BICRAL: variants seen among roughly 807,000 people sequenced by gnomAD.
BICRAL encodes BICRA like chromatin remodeling complex associated protein.
BICRAL carries 8 observed loss-of-function variants against 91.8 expected under a neutral mutation model. That is an observed-to-expected ratio of 0.09 (90% CI 0.05 to 0.16). BICRAL has a LOEUF of 0.16. BICRAL is among the 10% of genes least tolerant of loss of function. The probability of loss-of-function intolerance (pLI) is 1.00; values close to 1 mark genes in which losing one functional copy is unlikely to be tolerated. For synonymous variants in BICRAL, 445 were observed against 491.1 expected, an observed-to-expected ratio of 0.91 and a Z score of 1.24; for missense variants, 1,038 against 1,310.9, an observed-to-expected ratio of 0.79 and a Z score of 3.21.
chr6:42,863,763 C>T (rs1241022661), intron 12 of BICRAL, among the ~76,000 whole-genome samples: 1 of 152,150 alleles, frequency 6.6e-6, no homozygotes, highest in African/African-American at 2.4e-5. Flanking sequence ...GTGAGGTGCT[C>T]ACACCTGTAA....
intron 1 of BICRAL, among the ~76,000 whole-genome samples, chr6:42,808,440 A>C (rs534242121): frequency 1.3e-5 from 2 of 152,274 alleles, no homozygotes; most frequent in South Asian, 4.1e-4. Flanking sequence ...GTTTATCTTA[A>C]TGAAATGTGG....
At chr6:42,798,942 T>A (rs1483970117) in intron 1 of BICRAL, among the ~76,000 whole-genome samples, 2 of 152,354 alleles carry the variant, frequency 1.3e-5, no homozygotes, top group East Asian at 3.9e-4. Flanking sequence ...TATTATTTTT[T>A]ATTGTTATAT....
rs561358728 is a variant in BICRAL at position 42,749,815 on chromosome 6, T to C, written c.-261+2792T>C. Among the ~76,000 whole-genome samples, 83 of 151,994 alleles carry C rather than the reference T, an allele frequency of 5.5e-4. No individual in the cohort carries two copies. In the South Asian group the frequency reaches 0.016, roughly 29 times the overall value. On this transcript the variant is annotated intron_variant, in intron 1 of 14. Coordinates refer to the BICRAL transcript ENST00000614467. ...TATTATATTATTTCATATTTTATTG[T>C]CTATAAATATTTCACTATATACCTC...
At chr6:42,804,675 AC>A (rs1420219390) in intron 1 of BICRAL, among the ~76,000 whole-genome samples, 30 of 152,316 alleles carry the variant, frequency 2.0e-4, no homozygotes, top group Non-Finnish European at 1.5e-4. Flanking sequence ...AGGGCTTCTT[AC>A]AGGGACAAGT....
chr6:42,840,616 A>T (rs543583090), intron 6 of BICRAL, among the ~76,000 whole-genome samples: 1 of 151,858 alleles, frequency 6.6e-6, no homozygotes, highest in East Asian at 1.9e-4. Flanking sequence ...AGTTCACTCC[A>T]ACCTCCACCT....
intron 1 of BICRAL, among the ~76,000 whole-genome samples, chr6:42,783,929 C>A (rs952550157): frequency 6.6e-6 from 1 of 152,122 alleles, no homozygotes; most frequent in Non-Finnish European, 1.5e-5. Context: ...TTCCTTAATT[C>A]TTCAGTTATT....
intron 1 of BICRAL, among the ~76,000 whole-genome samples, chr6:42,809,975 C>T (rs956156175): frequency 9.9e-5 from 15 of 151,922 alleles, no homozygotes; most frequent in South Asian, 8.3e-4. Flanking sequence ...TTAGTAGAGA[C>T]GGGGTTTCAC....
At chr6:42,752,864 A>G (rs568876490) in intron 1 of BICRAL, among the ~76,000 whole-genome samples, 4 of 150,338 alleles carry the variant, frequency 2.7e-5, no homozygotes, top group Non-Finnish European at 4.4e-5. Context: ...CTGCTTCCCA[A>G]AGGGCTGGGA....
At chr6:42,758,205 C>T (rs549589901) in intron 1 of BICRAL, among the ~76,000 whole-genome samples, 20 of 152,266 alleles carry the variant, frequency 1.3e-4, no homozygotes, top group African/African-American at 9.6e-5. Flanking sequence ...CATCTGGTCT[C>T]GTTACCCTTG....
chr6:42,783,399 C>T (rs998360819), intron 1 of BICRAL, among the ~76,000 whole-genome samples: 4 of 152,168 alleles, frequency 2.6e-5, no homozygotes, highest in East Asian at 3.9e-4. Flanking sequence ...TTCGCGCCCC[C>T]CCGAGTCGCC....
chr6:42,760,359 TAA>T (rs59668032), intron 1 of BICRAL, among the ~76,000 whole-genome samples: 10 of 125,888 alleles, frequency 7.9e-5, no homozygotes, highest in Admixed American at 1.6e-4. Context: ...TCTCTACTAC[TAA>T]AAAAAAAAAA....
In BICRAL at chr6:42,828,796, G is replaced by A; in HGVS notation, c.463G>A (p.Val155Ile). ...SSASFTQASNVSNYSGQTLQP... is the reference protein window; with the variant it reads ...SSASFTQASNISNYSGQTLQP... ...AGCATCCTTTACTCAGGCTTCTAAT[G>A]TTTCTAATTACTCAGGTCAGACGCT... Residue 155 changes from valine (V) to isoleucine (I), a missense_variant, in exon 6 of 13, where the codon GTT (valine) becomes ATT (isoleucine). Physicochemically the swap from Val to Ile is conservative, Grantham distance 29. Around this residue, in one of 5 missense-constraint regions of BICRAL, gnomAD observed 532 missense variants for 724.9 expected, o/e 0.73. Transcript: ENST00000314073. 1.2e-6 allele frequency: 2 copies of A among 1,614,186 alleles called. No homozygotes were observed. The highest frequency in any genetic ancestry group is 8.5e-7 in the Non-Finnish European group (1 of 1,180,024).
chr6:42,862,452 C>G (rs1430312355), intron 11 of BICRAL, 58 bp from the exon 12 acceptor site: 1 of 1,157,734 alleles, frequency 8.6e-7, no homozygotes, highest in Non-Finnish European at 1.3e-6. Flanking sequence ...TTATTTTTTC[C>G]AAAAGCAACC....
chr6:42,783,969 TAAAA>T (rs1307087526), intron 1 of BICRAL, among the ~76,000 whole-genome samples: 1 of 151,782 alleles, frequency 6.6e-6, no homozygotes, highest in Non-Finnish European at 1.5e-5. Context: ...GTTACAAAAC[TAAAA>T]AAAAGAGTCC....
At chr6:42,794,301 A>T (rs1763357714) in intron 1 of BICRAL, among the ~76,000 whole-genome samples, 2 of 152,194 alleles carry the variant, frequency 1.3e-5, no homozygotes, top group African/African-American at 4.8e-5. Context: ...AAGAAAAATG[A>T]CATTTGGGTA....
At chr6:42,794,994 C>T (rs543112534) in intron 1 of BICRAL, among the ~76,000 whole-genome samples, 67 of 151,080 alleles carry the variant, frequency 4.4e-4, no homozygotes, top group African/African-American at 1.5e-3. Context: ...ATAAGTCATG[C>T]AAGAGTCTAT....
chr6:42,806,657 C>T (rs1763717320), intron 1 of BICRAL, among the ~76,000 whole-genome samples: 1 of 151,842 alleles, frequency 6.6e-6, no homozygotes, highest in Non-Finnish European at 1.5e-5. Context: ...GGACTACAGG[C>T]ATGTGCCACC....
At chr6:42,813,130 T>C (rs1028235303) in intron 2 of BICRAL, among the ~76,000 whole-genome samples, 4 of 152,164 alleles carry the variant, frequency 2.6e-5, no homozygotes, top group African/African-American at 7.2e-5. Context: ...AATGATGTAA[T>C]TGTAGTCCCC....
intron 8 of BICRAL, among the ~76,000 whole-genome samples, chr6:42,854,504 TTTTG>T (rs1277332917): frequency 1.3e-5 from 2 of 150,626 alleles, no homozygotes; most frequent in Non-Finnish European, 3.0e-5. Flanking sequence ...GGGTTTTTTG[TTTTG>T]TTTTTGTTTT....
Sources: allele counts gnomAD v4.1 joint callset (sites outside exome capture counted in the v4.1 genomes callset), GRCh38; gene constraint gnomAD v4.1.1; regional missense constraint gnomAD v4.1.1; transcripts MANE v1.5; gene names NCBI Gene and HGNC (gene_info 2026-07-23, HGNC 2026-07-21).